Variants in CSMD1 observed in about 807,000 individuals in gnomAD.
CSMD1 encodes the protein CUB and sushi domain-containing protein 1.
Under a neutral mutation model 417.5 loss-of-function variants are expected in CSMD1, and 213 were observed. The observed-to-expected ratio is 0.51, with a 90% CI of 0.46 to 0.57. CSMD1 has a LOEUF of 0.57. CSMD1 is among the 20% of genes least tolerant of loss of function. The pLI is 0.00. For missense variants in CSMD1, 6,923 were observed against 4,529.7 expected (o/e 1.53, Z -15.17); for synonymous variants, 2,862 against 1,736.8 (o/e 1.65, Z -16.11).
intron 6 of CSMD1, among the ~76,000 whole-genome samples, chr8:3,741,979 G>GTT (rs60936991): frequency 0.15 from 22,147 of 146,064 alleles, 1,730 homozygotes; most frequent in Middle Eastern, 0.19. Context: ...AAGAATCTTG[G>GTT]TTTTTTTTTT....
intron 26 of CSMD1, among the ~76,000 whole-genome samples, chr8:3,267,159 G>C (rs2117125644): frequency 6.6e-6 from 1 of 152,292 alleles, no homozygotes; most frequent in Middle Eastern, 3.4e-3. Flanking sequence ...GGGAATGTCT[G>C]CTGGAGGACC....
intron 3 of CSMD1, among the ~76,000 whole-genome samples, chr8:4,390,119 A>C (rs982717056): frequency 2.6e-5 from 4 of 152,214 alleles, no homozygotes; most frequent in African/African-American, 9.6e-5. Flanking sequence ...CATAATTTTT[A>C]ATGCTCAGCA....
chr8:3,860,155 T>G (rs1804598837), intron 5 of CSMD1, among the ~76,000 whole-genome samples: 1 of 152,236 alleles, frequency 6.6e-6, no homozygotes, highest in Non-Finnish European at 1.5e-5. Context: ...TATTAACCCC[T>G]CATTTGATAG....
intron 3 of CSMD1, among the ~76,000 whole-genome samples, chr8:4,144,241 G>GT (rs1156330604): frequency 6.6e-6 from 1 of 150,884 alleles, no homozygotes; most frequent in Non-Finnish European, 1.5e-5. Flanking sequence ...CAAACTGGCC[G>GT]TAAGTTCCCT....
Position 4,207,787 on chromosome 8 carries a change from G to C in CSMD1, c.416-175688C>G, listed in dbSNP as rs150452713. Among the ~76,000 whole-genome samples the C allele has an allele frequency of 3.8e-3, 574 of 152,174 alleles. 3 individuals are homozygous for C. Among genetic ancestry groups the C allele is most frequent in the Middle Eastern group, 6.8e-3 (2 of 294 alleles). ...CTAGGATAGCAAACCATTAGAACTG[G>C]CAATAGCAAAAGTTACAATAATTAT... On this transcript the variant is annotated intron_variant, in intron 3 of 69. Transcript: ENST00000635120.
chr8:3,924,271 G>T (rs764813386), intron 5 of CSMD1, among the ~76,000 whole-genome samples: 1 of 152,060 alleles, frequency 6.6e-6, no homozygotes, highest in Non-Finnish European at 1.5e-5. Context: ...CTTATATGTT[G>T]TAAACTGCTT....
At chr8:4,076,182 G>A (rs1011957625) in intron 3 of CSMD1, among the ~76,000 whole-genome samples, 1 of 152,168 alleles carries the variant, frequency 6.6e-6, no homozygotes, top group Non-Finnish European at 1.5e-5. Flanking sequence ...TCACGACAGT[G>A]AGTGAGTTCT....
At chr8:4,084,280 A>C (rs1406112755) in intron 3 of CSMD1, among the ~76,000 whole-genome samples, 2 of 151,944 alleles carry the variant, frequency 1.3e-5, no homozygotes, top group East Asian at 1.9e-4. Flanking sequence ...AAATTGGAAA[A>C]ATCTTTCAAC....
At chr8:2,991,509 G>C (rs1211560318) in intron 54 of CSMD1, among the ~76,000 whole-genome samples, 1 of 152,150 alleles carries the variant, frequency 6.6e-6, no homozygotes, top group East Asian at 1.9e-4. Flanking sequence ...AAAAATCTCA[G>C]AGAAGAGAAA....
At chr8:3,455,846 A>C (rs10112195) in intron 12 of CSMD1, among the ~76,000 whole-genome samples, 14,453 of 152,290 alleles carry the variant, frequency 0.095, 787 homozygotes, top group African/African-American at 0.14. Context: ...GATGTCAGAC[A>C]GGGACATTTA....
At chr8:3,979,488 G>T (rs1050440878) in intron 5 of CSMD1, among the ~76,000 whole-genome samples, 16 of 152,144 alleles carry the variant, frequency 1.1e-4, no homozygotes, top group Non-Finnish European at 2.2e-4. Flanking sequence ...TTAGAATGTT[G>T]TGTCACTCCA....
At position 3,801,890 on chromosome 8, in the gene CSMD1, A is replaced by G. The variant is rs73658280; in HGVS notation, c.819-47848T>C. Among the ~76,000 whole-genome samples, 255 of 152,254 alleles carry G rather than the reference A, an allele frequency of 1.7e-3. 1 individual carries two copies. The highest frequency in any genetic ancestry group is 4.9e-3 in the African/African-American group (203 of 41,576). On this transcript the variant is annotated intron_variant, in intron 5 of 69. Transcript: ENST00000635120. ...ATCACAAAACACCACATATTATGAGATCTCATATAATACCCAATGCCTAGG... is the reference window on the plus strand; with the variant it reads ...ATCACAAAACACCACATATTATGAGGTCTCATATAATACCCAATGCCTAGG...
intron 50 of CSMD1, 132 bp from the exon 51 acceptor site, chr8:3,029,645 T>C (rs1810207797): frequency 3.0e-6 from 2 of 664,836 alleles, no homozygotes; most frequent in Non-Finnish European, 5.1e-6. Context: ...TTACGTATTA[T>C]CTCAGTGTTT....
At chr8:4,085,812 T>C (rs1800389033) in intron 3 of CSMD1, among the ~76,000 whole-genome samples, 1 of 152,184 alleles carries the variant, frequency 6.6e-6, no homozygotes. Flanking sequence ...ACCATGAAGC[T>C]TCCTGATAGC....
chr8:3,780,192 G>C (rs996447039), intron 5 of CSMD1, among the ~76,000 whole-genome samples: 12 of 152,318 alleles, frequency 7.9e-5, no homozygotes, highest in Non-Finnish European at 1.5e-5. Flanking sequence ...AAAGTTAAAA[G>C]CATCCTTTAT....
At chr8:4,987,779 T>A (rs577704417) in intron 1 of CSMD1, among the ~76,000 whole-genome samples, 52 of 152,320 alleles carry the variant, frequency 3.4e-4, no homozygotes, top group African/African-American at 1.2e-3. Flanking sequence ...AACTGTCATC[T>A]TGGCTAAAAG....
intron 32 of CSMD1, among the ~76,000 whole-genome samples, chr8:3,200,102 A>G (rs1796916656): frequency 6.6e-6 from 1 of 152,178 alleles, no homozygotes; most frequent in Admixed American, 6.5e-5. Flanking sequence ...AGACAGAAGT[A>G]AAGGGTGAAT....
At chr8:4,582,461 A>G (rs913893407) in intron 2 of CSMD1, among the ~76,000 whole-genome samples, 1 of 152,172 alleles carries the variant, frequency 6.6e-6, no homozygotes, top group African/African-American at 2.4e-5. Context: ...TGGTGAGCCC[A>G]ATACAGATCC....
At chr8:4,210,572 C>T (rs910561913) in intron 3 of CSMD1, among the ~76,000 whole-genome samples, 2 of 152,124 alleles carry the variant, frequency 1.3e-5, no homozygotes, top group Non-Finnish European at 2.9e-5. Context: ...AACACAATAT[C>T]TGACCAATTT....
Sources: allele counts gnomAD v4.1 joint callset (sites outside exome capture counted in the v4.1 genomes callset), GRCh38; gene constraint gnomAD v4.1.1; transcripts MANE v1.5; gene names NCBI Gene and HGNC (gene_info 2026-07-23, HGNC 2026-07-21).